Variants in PCDHGA3 observed in about 807,000 individuals in gnomAD.
The protein encoded by PCDHGA3 is protocadherin gamma-A3.
A neutral mutation model predicts 58.5 loss-of-function variants in PCDHGA3; 40 were observed. The observed-to-expected ratio is 0.68, with a 90% CI of 0.53 to 0.89. The LOEUF (loss-of-function observed/expected upper bound fraction) is 0.89. Ranked by LOEUF, PCDHGA3 falls within the 40% of genes least tolerant of loss-of-function variation. PCDHGA3 has a pLI of 0.00. For synonymous variants in PCDHGA3, 530 were observed against 525.7 expected (o/e 1.01, Z -0.11); for missense variants, 1,223 against 1,195.9 (o/e 1.02, Z -0.33).
At chr5:141,376,679 T>TTTTTG in intron 1 of PCDHGA3, 5 of 528,402 alleles carry the variant, frequency 9.5e-6, no homozygotes, top group Admixed American at 9.3e-5. Context: ...GGGTATCGTT[T>TTTTTG]TTTTTTTTTT....
intron 1 of PCDHGA3, among the ~76,000 whole-genome samples, chr5:141,386,239 T>C (rs940209503): frequency 2.0e-5 from 3 of 152,238 alleles, no homozygotes; most frequent in Non-Finnish European, 2.9e-5. Flanking sequence ...AAAAATTCAG[T>C]TGGAAATAAC....
intron 1 of PCDHGA3, among the ~76,000 whole-genome samples, chr5:141,442,888 GCTTATCA>G (rs776180931): frequency 8.5e-5 from 13 of 152,204 alleles, no homozygotes; most frequent in Non-Finnish European, 1.8e-4. Flanking sequence ...CAGAATCCCT[GCTTATCA>G]CTTCTCCTTC....
chr5:141,354,299 G>A (rs1393104062), intron 1 of PCDHGA3, among the ~76,000 whole-genome samples: 1 of 152,084 alleles, frequency 6.6e-6, no homozygotes, highest in African/African-American at 2.4e-5. Flanking sequence ...AACATTGAAA[G>A]GTTTCATAAA....
chr5:141,418,618 A>T, intron 1 of PCDHGA3: 5 of 1,614,046 alleles, frequency 3.1e-6, no homozygotes, highest in Non-Finnish European at 4.2e-6. Context: ...GCCTTCGGGA[A>T]GACGTGCCTC....
At chr5:141,408,205 G>A (rs1222360149) in intron 1 of PCDHGA3, 2 of 1,551,762 alleles carry the variant, frequency 1.3e-6, no homozygotes, top group Non-Finnish European at 1.7e-6. Context: ...AGCGAACGAT[G>A]GGAGGGAGCT....
In PCDHGA3 at chr5:141,362,093, C is replaced by T. The variant is rs1228101788; in HGVS notation, c.2424+15636C>T. On this transcript the variant is annotated intron_variant, in intron 1 of 3. Coordinates refer to ENST00000253812, the MANE Select transcript of PCDHGA3 (RefSeq NM_018916.4). ...GCTGTGCGTGATGGAGGACAGCCGC[C>T]ACTCTCCGCTACGGCCACGCTGCAC... is the stretch of plus-strand genomic sequence containing the variant. 1 of 1,613,828 alleles carries T rather than the reference C, an allele frequency of 6.2e-7. No individual in the cohort carries two copies. Among genetic ancestry groups the T allele is most frequent in the Non-Finnish European group, 8.5e-7 (1 of 1,179,890 alleles).
chr5:141,456,641 G>A (rs2098873674), intron 1 of PCDHGA3, among the ~76,000 whole-genome samples: 1 of 152,160 alleles, frequency 6.6e-6, no homozygotes, highest in South Asian at 2.1e-4. Context: ...TACTACAGGT[G>A]TTAATCCCAA....
chr5:141,378,478 GT>G (rs1210036765), intron 1 of PCDHGA3: 3 of 152,162 alleles, frequency 2.0e-5, no homozygotes, highest in African/African-American at 7.2e-5. Flanking sequence ...AGCCAAGATC[GT>G]GCCACTGCAC....
chr5:141,362,372 G>C, intron 1 of PCDHGA3: 2 of 1,614,054 alleles, frequency 1.2e-6, no homozygotes, highest in Non-Finnish European at 1.7e-6. Context: ...TACAGTGAGG[G>C]TACATTGCCC....
At chr5:141,350,135 C>T (rs898820014) in intron 1 of PCDHGA3, 1 of 753,636 alleles carries the variant, frequency 1.3e-6, no homozygotes, top group Non-Finnish European at 1.9e-6. Flanking sequence ...AGCACAGACG[C>T]TGCTCCTGTT....
intron 1 of PCDHGA3, among the ~76,000 whole-genome samples, chr5:141,353,015 T>C (rs1759163268): frequency 2.6e-5 from 4 of 152,166 alleles, no homozygotes; most frequent in Admixed American, 1.3e-4. Context: ...AATTATATAT[T>C]GCATTTTCTT....
chr5:141,345,959 C>A lies in PCDHGA3; in HGVS notation c.1926C>A (p.Leu642=), dbSNP rs374899722. 692 of 1,613,284 alleles carry A rather than the reference C, an allele frequency of 4.3e-4. 3 individuals carry two copies. In the South Asian group the frequency reaches 4.8e-3, roughly 11 times the overall value. ...ACAGAGACGCGCTCAAGCAGAGCCT[C>A]GTGGTGGCCGTCCAGGACCACGGCC... ...LLDRDALKQS[L]VVAVQDHGQP... is the part of the protein sequence containing the mutation. Residue 642 remains leucine (L), a synonymous_variant, in exon 1 of 4, where the codon CTC becomes CTA. Transcript: ENST00000253812.
chr5:141,422,853 C>T (rs746989617), intron 1 of PCDHGA3: 8 of 1,614,264 alleles, frequency 5.0e-6, no homozygotes, highest in South Asian at 3.3e-5. Flanking sequence ...GGGACCCGCC[C>T]CTCAGCAGCA....
intron 1 of PCDHGA3, chr5:141,377,170 T>C (rs1773747669): frequency 1.3e-5 from 2 of 152,264 alleles, no homozygotes; most frequent in Non-Finnish European, 2.9e-5. Context: ...TTTACCTTTC[T>C]CTTCTTGGCA....
chr5:141,466,518 T>C (rs1430823209), intron 1 of PCDHGA3, among the ~76,000 whole-genome samples: 2 of 152,222 alleles, frequency 1.3e-5, no homozygotes, highest in Admixed American at 6.5e-5. Flanking sequence ...TCATTTTTTT[T>C]CCTCCCAAAT....
intron 1 of PCDHGA3, chr5:141,356,725 T>C (rs780083329): frequency 3.1e-6 from 5 of 1,613,818 alleles, no homozygotes; most frequent in Non-Finnish European, 4.2e-6. Context: ...CTCCATCAAC[T>C]CCAATACAGG....
chr5:141,400,337 C>G (rs752660585), intron 1 of PCDHGA3: 7 of 1,614,080 alleles, frequency 4.3e-6, no homozygotes, highest in African/African-American at 2.7e-5. Flanking sequence ...GTGGTTCCCC[C>G]CAACTACAGT....
At chr5:141,355,245 G>C (rs1451963351) in intron 1 of PCDHGA3, 6 of 1,613,186 alleles carry the variant, frequency 3.7e-6, no homozygotes, top group Non-Finnish European at 5.1e-6. Flanking sequence ...GGCTGCTCCA[G>C]ATCTGCCTTC....
At chr5:141,360,283 C>T (rs749244644) in intron 1 of PCDHGA3, 1 of 1,613,984 alleles carries the variant, frequency 6.2e-7, no homozygotes, top group Non-Finnish European at 8.5e-7. Flanking sequence ...CGTAGGAAAC[C>T]TCGCCAAGGA....
Sources: gnomAD v4.1 joint callset for allele counts (sites outside exome capture counted in the v4.1 genomes callset) on GRCh38, gnomAD v4.1.1 for gene constraint, MANE v1.5 for transcripts, NCBI Gene and HGNC (gene_info 2026-07-23, HGNC 2026-07-21) for gene names.